Variants in GALM observed in about 807,000 individuals in gnomAD.
GALM encodes the protein galactose mutarotase.
In GALM, 43 loss-of-function variants were observed where a neutral mutation model predicts 37.4. The ratio of observed to expected loss-of-function variants is 1.15; its 90% CI spans 0.90 to 1.48. The LOEUF is 1.48. Ranked by LOEUF, GALM falls within the 40% of genes most tolerant of loss-of-function variation. The pLI is 0.00. For synonymous variants in GALM, 199 were observed against 170.6 expected, an observed-to-expected ratio of 1.17 and a Z score of -1.30; for missense variants, 456 against 419.1, an observed-to-expected ratio of 1.09 and a Z score of -0.77.
intron 4 of GALM, among the ~76,000 whole-genome samples, chr2:38,720,685 T>G (rs533286168): frequency 1.3e-5 from 2 of 152,326 alleles, no homozygotes; most frequent in South Asian, 4.1e-4. Context: ...CTTAAAAGAT[T>G]AGAACAGGGC....
rs148726440 is a variant in GALM, at chr2:38,667,165, T to C, written c.190+814T>C. Among the ~76,000 whole-genome samples, 1,023 of 152,192 alleles carry C rather than the reference T, an allele frequency of 6.7e-3. 10 individuals are homozygous for C. Among genetic ancestry groups the C allele is most frequent in the African/African-American group, 0.023 (974 of 41,526 alleles). On this transcript the variant is annotated intron_variant, in intron 1 of 6. Transcript: ENST00000272252. ...TGTACATCATGCTCTCTTAGCACCATGGTGTAACTAGACAGAAAATGAGGT... is the reference window on the plus strand; with the variant it reads ...TGTACATCATGCTCTCTTAGCACCACGGTGTAACTAGACAGAAAATGAGGT...
intron 4 of GALM, among the ~76,000 whole-genome samples, chr2:38,720,554 G>T (rs909672125): frequency 1.3e-5 from 2 of 151,952 alleles, no homozygotes; most frequent in African/African-American, 2.4e-5. Flanking sequence ...CAGTATACTA[G>T]CAATCTATTG....
At chr2:38,695,085 G>A (rs1250570956) in intron 4 of GALM, among the ~76,000 whole-genome samples, 2 of 151,872 alleles carry the variant, frequency 1.3e-5, no homozygotes, top group African/African-American at 2.4e-5. Context: ...TATGTATGTT[G>A]GTCATCTCTG....
At chr2:38,673,358 T>C (rs1665162584) in intron 1 of GALM, among the ~76,000 whole-genome samples, 1 of 152,196 alleles carries the variant, frequency 6.6e-6, no homozygotes, top group Non-Finnish European at 1.5e-5. Flanking sequence ...GAAAGTAATC[T>C]TGGTAATAAT....
intron 3 of GALM, among the ~76,000 whole-genome samples, chr2:38,683,960 A>G (rs921316419): frequency 3.9e-5 from 6 of 152,128 alleles, no homozygotes. Flanking sequence ...TTGAAGGTGG[A>G]TGGGGGCACC....
intron 2 of GALM, chr2:38,680,196 C>G (rs777024097): frequency 2.1e-5 from 7 of 335,130 alleles, no homozygotes; most frequent in Admixed American, 4.2e-5. Flanking sequence ...TTTTTTTAAA[C>G]TTTTTCATAG....
At chr2:38,722,878 C>T (rs1222713979) in intron 4 of GALM, among the ~76,000 whole-genome samples, 1 of 152,182 alleles carries the variant, frequency 6.6e-6, no homozygotes, top group Non-Finnish European at 1.5e-5. Flanking sequence ...AGTGGAGATT[C>T]TGACACTATG....
chr2:38,734,053 G>C lies in GALM; in HGVS notation c.*488G>C, dbSNP rs1374466070. ...TGTCTCTATACAGCAGTAGATGATT[G>C]ATAAGTGAGGAAACTGAGGCTTACA... is the stretch of plus-strand genomic sequence containing the variant. On this transcript the variant is annotated 3_prime_UTR_variant, in exon 7 of 7. Coordinates refer to ENST00000272252, the MANE Select transcript of GALM (RefSeq NM_138801.3). The C allele has an allele frequency of 5.7e-6, 1 of 176,052 alleles. No individual in the cohort carries two copies. The highest frequency in any genetic ancestry group is 1.2e-5 in the Non-Finnish European group (1 of 81,826). The allele number at this position is 176,052 out of a possible 1,614,324, so 10.9% of individuals were successfully genotyped here.
At position 38,733,757 on chromosome 2, in the gene GALM, C is replaced by G. The variant is rs1249408642; in HGVS notation, c.*192C>G. On this transcript the variant is annotated 3_prime_UTR_variant, in exon 7 of 7. Coordinates refer to ENST00000272252, the MANE Select transcript of GALM (RefSeq NM_138801.3). ...ACTGGCTCCAGGCCATGTCTAATGA[C>G]CAGCTCGATTCCCTGTGCAGTTCAG... 6.8e-6 allele frequency: 4 copies of G among 585,664 alleles called. No homozygotes were observed. In the African/African-American group the frequency reaches 7.4e-5, roughly 11 times the overall value. 36.3% of individuals were successfully genotyped at this position (585,664 alleles called of 1,614,324 possible). A position where few individuals can be genotyped will look rare whatever the true frequency, so the allele number is the denominator to read the frequency against.
At chr2:38,694,466 C>T (rs1665754403) in intron 4 of GALM, among the ~76,000 whole-genome samples, 1 of 151,826 alleles carries the variant, frequency 6.6e-6, no homozygotes, top group Admixed American at 6.6e-5. Context: ...AACAGGAAAC[C>T]AAGTTTGTTT....
intron 4 of GALM, among the ~76,000 whole-genome samples, chr2:38,694,649 C>T (rs1249671208): frequency 3.9e-5 from 6 of 152,114 alleles, no homozygotes; most frequent in African/African-American, 1.4e-4. Flanking sequence ...GTAATCCCAG[C>T]ACTCTGGGAG....
chr2:38,710,810 A>G (rs778439428), intron 4 of GALM, among the ~76,000 whole-genome samples: 2 of 149,070 alleles, frequency 1.3e-5, no homozygotes, highest in Non-Finnish European at 3.0e-5. Flanking sequence ...CTGGAGTGCA[A>G]TGGTGCGATC....
At chr2:38,726,228 T>A (rs1558597599) in intron 4 of GALM, among the ~76,000 whole-genome samples, 1 of 22,266 alleles carries the variant, frequency 4.5e-5, no homozygotes, top group African/African-American at 9.9e-5. Context: ...TTTTTTTTTT[T>A]TATTTTTTTT....
At chr2:38,687,795 C>A (rs1287971077) in intron 3 of GALM, among the ~76,000 whole-genome samples, 1 of 152,066 alleles carries the variant, frequency 6.6e-6, no homozygotes, top group African/African-American at 2.4e-5. Flanking sequence ...CGTGTTTAGA[C>A]ATGCATTCTC....
At chr2:38,689,791 T>G in intron 3 of GALM, 22 bp from the exon 4 acceptor site, 1 of 1,425,464 alleles carries the variant, frequency 7.0e-7, no homozygotes, top group Non-Finnish European at 9.8e-7. Context: ...CAGAAAACCT[T>G]TCCCCTACCT....
intron 4 of GALM, among the ~76,000 whole-genome samples, chr2:38,713,481 G>C (rs976310450): frequency 1.6e-4 from 24 of 152,182 alleles, no homozygotes; most frequent in Non-Finnish European, 2.9e-5. Context: ...AGGCAGGGGA[G>C]CTCCAGCCAG....
intron 2 of GALM, among the ~76,000 whole-genome samples, chr2:38,679,824 T>C (rs923365087): frequency 2.0e-5 from 3 of 152,174 alleles, no homozygotes; most frequent in Non-Finnish European, 2.9e-5. Context: ...ACTTTAAGTC[T>C]GCTTTGAGAC....
At chr2:38,731,260 T>C (rs1159166301) in intron 5 of GALM, among the ~76,000 whole-genome samples, 1 of 151,334 alleles carries the variant, frequency 6.6e-6, no homozygotes, top group Admixed American at 6.6e-5. Context: ...TAGCTGGACA[T>C]GGTAGTGCGC....
intron 4 of GALM, among the ~76,000 whole-genome samples, chr2:38,701,316 T>C (rs1418795605): frequency 6.6e-6 from 1 of 152,190 alleles, no homozygotes; most frequent in East Asian, 1.9e-4. Context: ...GATGTGTCTT[T>C]AAAGGCATTT....
Sources: gnomAD v4.1 joint callset for allele counts (sites outside exome capture counted in the v4.1 genomes callset) on GRCh38, gnomAD v4.1.1 for gene constraint, MANE v1.5 for transcripts, NCBI Gene and HGNC (gene_info 2026-07-23, HGNC 2026-07-21) for gene names.